Variants in PEMT observed in about 807,000 individuals in gnomAD.
PEMT encodes phospholipid methyltransferase.
Under a neutral mutation model 27.4 loss-of-function variants are expected in PEMT, and 23 were observed. The ratio of observed to expected loss-of-function variants is 0.84; its 90% CI spans 0.60 to 1.19. PEMT has a LOEUF of 1.19. PEMT is among the 50% of genes most tolerant of loss of function. The pLI, the probability that PEMT is intolerant of heterozygous loss-of-function variation, is 0.00. For missense variants in PEMT, 307 were observed against 310.1 expected (o/e 0.99, Z 0.07); for synonymous variants, 137 against 139.1 (o/e 0.98, Z 0.11).
intron 2 of PEMT, among the ~76,000 whole-genome samples, chr17:17,572,253 T>C (rs729974): frequency 0.63 from 95,745 of 152,128 alleles, 31,143 homozygotes; most frequent in African/African-American, 0.8. Flanking sequence ...TCCACCTTTG[T>C]CTCTTCTCCT....
chr17:17,553,857 A>G (rs1909849520), intron 2 of PEMT, among the ~76,000 whole-genome samples: 1 of 152,212 alleles, frequency 6.6e-6, no homozygotes, highest in Non-Finnish European at 1.5e-5. Context: ...GAAAGCTGCC[A>G]TGTCCCTGCC....
intron 1 of PEMT, among the ~76,000 whole-genome samples, chr17:17,586,288 G>A (rs140522864): frequency 0.13 from 8,948 of 71,272 alleles, 592 homozygotes; most frequent in Non-Finnish European, 0.17. Context: ...AAGAAAGAAA[G>A]AAAAAAAAAA....
intron 5 of PEMT, chr17:17,508,843 G>A (rs774791150): frequency 2.3e-6 from 1 of 434,508 alleles, no homozygotes; most frequent in South Asian, 1.7e-5. Flanking sequence ...ATGGGCAGAG[G>A]CTATTGGGGC....
At chr17:17,569,166 G>A (rs535485423) in intron 2 of PEMT, among the ~76,000 whole-genome samples, 4 of 152,340 alleles carry the variant, frequency 2.6e-5, no homozygotes, top group East Asian at 1.9e-4. Context: ...ACAGGTCAGC[G>A]TCCTGATACA....
intron 3 of PEMT, 60 bp downstream of exon 3, chr17:17,522,220 A>C: frequency 8.3e-7 from 1 of 1,208,164 alleles, no homozygotes; most frequent in Non-Finnish European, 1.2e-6. Flanking sequence ...AGGTACCACC[A>C]GTAGCGGCCC....
chr17:17,552,542 G>T (rs1006520087), intron 2 of PEMT, among the ~76,000 whole-genome samples: 7 of 152,204 alleles, frequency 4.6e-5, no homozygotes, highest in Non-Finnish European at 1.0e-4. Flanking sequence ...GCGCACCCAA[G>T]CCCCATCAGG....
intron 2 of PEMT, among the ~76,000 whole-genome samples, chr17:17,562,277 G>A (rs776244999): frequency 2.0e-4 from 30 of 152,328 alleles, no homozygotes; most frequent in Non-Finnish European, 3.7e-4. Flanking sequence ...GGATCCGCTG[G>A]ATCCATGTGT....
At chr17:17,509,324 G>A (rs1024399113) in intron 5 of PEMT, 110 bp downstream of exon 5, 7 of 705,208 alleles carry the variant, frequency 9.9e-6, no homozygotes, top group South Asian at 5.7e-5. Flanking sequence ...CAAATGACAC[G>A]TTCTTCCTTT....
At chr17:17,506,439 G>C in intron 5 of PEMT, 138 bp from the exon 6 acceptor site, 1 of 603,318 alleles carries the variant, frequency 1.7e-6, no homozygotes, top group South Asian at 2.0e-5. Context: ...ACCGAGCCCA[G>C]GCAGCACTGC....
chr17:17,518,241 C>G lies in PEMT; in HGVS notation c.320+4039G>C, dbSNP rs964763173. ...GCCAGGAGGGAGGAAGGGCTGCAGC[C>G]CAGTCCTGTGAAGCCCGTTCGAGCC... On this transcript the variant is annotated intron_variant, in intron 3 of 6. Transcript: ENST00000255389. 6 of 843,894 alleles carry G rather than the reference C, an allele frequency of 7.1e-6. No homozygotes were observed. In the African/African-American group the frequency reaches 1.1e-4, roughly 16 times the overall value. 52.3% of individuals were successfully genotyped at this position (843,894 alleles called of 1,614,324 possible). A position where few individuals can be genotyped will look rare whatever the true frequency, so the allele number is the denominator to read the frequency against.
At chr17:17,521,633 C>T (rs375483661) in intron 3 of PEMT, among the ~76,000 whole-genome samples, 61 of 152,132 alleles carry the variant, frequency 4.0e-4, no homozygotes, top group East Asian at 1.7e-3. Flanking sequence ...GGTGCAACCT[C>T]GGCTCACTGC....
At chr17:17,581,934 C>T (rs1912000677) in intron 1 of PEMT, among the ~76,000 whole-genome samples, 1 of 152,184 alleles carries the variant, frequency 6.6e-6, no homozygotes, top group Non-Finnish European at 1.5e-5. Context: ...TTTCTCATAG[C>T]TGTCATTTCC....
chr17:17,553,608 C>A (rs556402133), intron 2 of PEMT, among the ~76,000 whole-genome samples: 1 of 152,342 alleles, frequency 6.6e-6, no homozygotes, highest in Admixed American at 6.5e-5. Flanking sequence ...CCCGCGTCCA[C>A]CCAATGGCCA....
At chr17:17,586,254 AAG>A (rs1168313699) in intron 1 of PEMT, among the ~76,000 whole-genome samples, 2 of 114,242 alleles carry the variant, frequency 1.8e-5, no homozygotes, top group East Asian at 5.2e-4. Flanking sequence ...GAAAGAAAGA[AAG>A]AAAGAAAGAA....
At chr17:17,534,286 C>T (rs2142574775) in intron 2 of PEMT, among the ~76,000 whole-genome samples, 1 of 152,336 alleles carries the variant, frequency 6.6e-6, no homozygotes, top group Non-Finnish European at 1.5e-5. Flanking sequence ...CCAGTCCATG[C>T]AAGAGCATCC....
intron 1 of PEMT, among the ~76,000 whole-genome samples, chr17:17,589,978 TGGCAGGCCCTGG>T: frequency 6.6e-6 from 1 of 152,182 alleles, no homozygotes; most frequent in Admixed American, 6.5e-5. Flanking sequence ...CCCTGCCCAC[TGGCAGGCCCTGG>T]GGCAGGCCCC....
intron 1 of PEMT, among the ~76,000 whole-genome samples, chr17:17,579,125 C>G (rs1462441625): frequency 6.6e-6 from 1 of 152,192 alleles, no homozygotes; most frequent in Non-Finnish European, 1.5e-5. Context: ...CCAGGGTCAG[C>G]CAGCCCTGGG....
chr17:17,588,619 G>C (rs1443131952), intron 1 of PEMT, among the ~76,000 whole-genome samples: 2 of 152,186 alleles, frequency 1.3e-5, no homozygotes, highest in African/African-American at 4.8e-5. Flanking sequence ...CACCCGCTCT[G>C]GTGAGCAGGT....
chr17:17,577,602 C>G (rs1044169755), intron 1 of PEMT: 22 of 755,004 alleles, frequency 2.9e-5, no homozygotes, highest in Non-Finnish European at 3.5e-5. Flanking sequence ...GCCCCGCCAT[C>G]ATCTTGCATG....
Sources: allele counts gnomAD v4.1 joint callset (sites outside exome capture counted in the v4.1 genomes callset), GRCh38; gene constraint gnomAD v4.1.1; transcripts MANE v1.5; gene names NCBI Gene and HGNC (gene_info 2026-07-23, HGNC 2026-07-21).